BCL9: variants seen among roughly 807,000 people sequenced by gnomAD.
The protein encoded by BCL9 is B-cell CLL/lymphoma 9 protein.
Under a neutral mutation model 88.5 loss-of-function variants are expected in BCL9, and 25 were observed. The observed-to-expected ratio is 0.28, with a 90% CI of 0.21 to 0.39. The LOEUF (loss-of-function observed/expected upper bound fraction) is 0.39, where lower values mean the gene tolerates loss of function less well. Among genes scored for constraint, BCL9 ranks in the 10% least tolerant of loss-of-function variants. The probability of loss-of-function intolerance (pLI) is 1.00; values close to 1 mark genes in which losing one functional copy is unlikely to be tolerated. For synonymous variants in BCL9, 711 were observed against 673.3 expected (o/e 1.06, Z -0.87); for missense variants, 1,817 against 1,877.8 (o/e 0.97, Z 0.60).
chr1:147,620,207 C>T lies in BCL9; in HGVS notation c.2052C>T (p.Gly684=), dbSNP rs1553204952. The T allele has an allele frequency of 6.2e-7, 1 of 1,614,042 alleles. No individual in the cohort carries two copies. Among genetic ancestry groups the T allele is most frequent in the Non-Finnish European group, 8.5e-7 (1 of 1,179,946 alleles). The change falls in exon 8 of 10, where the codon GGC becomes GGT. Residue 684 remains glycine (G), a synonymous_variant. Coordinates refer to ENST00000234739, the MANE Select transcript of BCL9 (RefSeq NM_004326.4). The part of the protein sequence containing the change: ...NPIFPRIPVE[G]PLSPSRGDFP... ...TTTTCCCTCGAATACCAGTTGAGGG[C>T]CCTCTGAGTCCTTCTAGGGGTGACT...
intron 1 of BCL9, among the ~76,000 whole-genome samples, chr1:147,599,718 G>C (rs1657252344): frequency 6.6e-6 from 1 of 151,700 alleles, no homozygotes; most frequent in East Asian, 2.0e-4. Flanking sequence ...CCTGGCGGGC[G>C]TGCCTATGCA....
chr1:147,573,612 A>G (rs1553197746), intron 1 of BCL9, among the ~76,000 whole-genome samples: 1 of 152,170 alleles, frequency 6.6e-6, no homozygotes, highest in Non-Finnish European at 1.5e-5. Flanking sequence ...CATTTAATAG[A>G]AGTGAGGGTT....
chr1:147,598,511 AAC>A (rs1657153255), intron 1 of BCL9, among the ~76,000 whole-genome samples: 1 of 152,178 alleles, frequency 6.6e-6, no homozygotes, highest in African/African-American at 2.4e-5. Flanking sequence ...CATCCTTTAC[AAC>A]TAGCACCATT....
intron 1 of BCL9, among the ~76,000 whole-genome samples, chr1:147,566,148 T>C (rs929516721): frequency 6.6e-6 from 1 of 152,200 alleles, no homozygotes; most frequent in African/African-American, 2.4e-5. Context: ...AGCTGGTTGC[T>C]GGAAAAGCAT....
intron 1 of BCL9, among the ~76,000 whole-genome samples, chr1:147,592,867 A>G (rs1656904565): frequency 1.3e-5 from 2 of 151,840 alleles, no homozygotes; most frequent in African/African-American, 2.4e-5. Context: ...TATTACCAGT[A>G]CTCCACTTTA....
chr1:147,605,186 G>T (rs1186007840), intron 2 of BCL9, among the ~76,000 whole-genome samples: 1 of 152,170 alleles, frequency 6.6e-6, no homozygotes, highest in Admixed American at 6.5e-5. Context: ...TCATACCATC[G>T]TTGTGTGTGA....
intron 1 of BCL9, among the ~76,000 whole-genome samples, chr1:147,568,607 G>T (rs1655722566): frequency 6.6e-6 from 1 of 151,900 alleles, no homozygotes; most frequent in South Asian, 2.1e-4. Context: ...GTAGAAAGGG[G>T]TTAGACAAAA....
At chr1:147,544,918 C>G (rs1036332071) in intron 1 of BCL9, among the ~76,000 whole-genome samples, 1 of 152,042 alleles carries the variant, frequency 6.6e-6, no homozygotes. Context: ...GTCATTTCCA[C>G]GGAGGCAGAT....
At position 147,624,740 on chromosome 1, in the gene BCL9, C is replaced by T. The variant is rs782803648; in HGVS notation, c.4062C>T (p.Ala1354=). 3.3e-5 allele frequency: 54 copies of T among 1,614,030 alleles called. No homozygotes were observed. The highest frequency in any genetic ancestry group is 1.1e-4 in the African/African-American group (8 of 74,918). The change falls in exon 10 of 10, where the codon GCC becomes GCT. Residue 1354 remains alanine, a synonymous_variant. Transcript: ENST00000234739. This position sits in a 1 kb window ranked among gnomAD's most constrained non-coding sequence, Gnocchi z 4.4. ...CCCTGATGAGCAATCCAGCTGCTGCCGTGGGCATGATTCCTGGCAAGGATC... is the reference window on the plus strand; with the variant it reads ...CCCTGATGAGCAATCCAGCTGCTGCTGTGGGCATGATTCCTGGCAAGGATC... ...QPTLMSNPAA[A]VGMIPGKDRG... is the part of the protein sequence containing the mutation.
intron 1 of BCL9, among the ~76,000 whole-genome samples, chr1:147,599,781 G>A (rs1553200947): frequency 6.6e-6 from 1 of 152,026 alleles, no homozygotes; most frequent in African/African-American, 2.4e-5. Flanking sequence ...TATCGGGGGC[G>A]GGGCGGCGGG....
intron 3 of BCL9, among the ~76,000 whole-genome samples, chr1:147,609,332 C>T (rs1657887969): frequency 6.6e-6 from 1 of 152,190 alleles, no homozygotes; most frequent in Non-Finnish European, 1.5e-5. Flanking sequence ...GTAGGGACAA[C>T]TTATTTCCTT....
chr1:147,550,944 T>C (rs1654873603), intron 1 of BCL9, among the ~76,000 whole-genome samples: 2 of 152,238 alleles, frequency 1.3e-5, no homozygotes, highest in Non-Finnish European at 2.9e-5. Context: ...CTCAATCAGC[T>C]GTAGCAATTA....
At chr1:147,601,452 T>C (rs1213719991) in intron 1 of BCL9, among the ~76,000 whole-genome samples, 1 of 152,200 alleles carries the variant, frequency 6.6e-6, no homozygotes, top group African/African-American at 2.4e-5. Flanking sequence ...GAATTAAATG[T>C]TCGTTTTGGG....
At chr1:147,570,360 A>G (rs1366007862) in intron 1 of BCL9, among the ~76,000 whole-genome samples, 1 of 152,216 alleles carries the variant, frequency 6.6e-6, no homozygotes, top group Non-Finnish European at 1.5e-5. Context: ...AGCATTGAGG[A>G]GTCAATAGTC....
chr1:147,557,419 A>T (rs2101489024), intron 1 of BCL9, among the ~76,000 whole-genome samples: 1 of 152,344 alleles, frequency 6.6e-6, no homozygotes, highest in South Asian at 2.1e-4. Context: ...CTTGTGACAA[A>T]GTAAAGCATC....
intron 1 of BCL9, among the ~76,000 whole-genome samples, chr1:147,597,426 A>G (rs1370745328): frequency 3.9e-5 from 6 of 152,212 alleles, no homozygotes; most frequent in Admixed American, 1.3e-4. Context: ...TTTAGCATCA[A>G]AATCCTTTAT....
At chr1:147,582,638 C>A (rs587628507) in intron 1 of BCL9, among the ~76,000 whole-genome samples, 1 of 152,252 alleles carries the variant, frequency 6.6e-6, no homozygotes, top group African/African-American at 2.4e-5. Flanking sequence ...AAAAAATCAA[C>A]AGAATAATAA....
At chr1:147,586,554 T>C (rs1449241405) in intron 1 of BCL9, among the ~76,000 whole-genome samples, 1 of 152,202 alleles carries the variant, frequency 6.6e-6, no homozygotes, top group Non-Finnish European at 1.5e-5. Flanking sequence ...ATCAAGAGCT[T>C]GGCTAGCAGG....
chr1:147,580,035 A>G (rs1419357960), intron 1 of BCL9, among the ~76,000 whole-genome samples: 4 of 152,222 alleles, frequency 2.6e-5, no homozygotes, highest in African/African-American at 9.6e-5. Context: ...CATTTCAGAC[A>G]GAAGGCTTTC....
Sources: gnomAD v4.1 joint callset for allele counts (sites outside exome capture counted in the v4.1 genomes callset) on GRCh38, gnomAD v4.1.1 for gene constraint, Gnocchi (gnomAD v3.1) non-coding constraint, MANE v1.5 for transcripts, NCBI Gene and HGNC (gene_info 2026-07-23, HGNC 2026-07-21) for gene names.